Variants in SORCS1 observed in about 807,000 individuals in gnomAD.
SORCS1 encodes the protein sortilin related VPS10 domain containing receptor 1, also known as VPS10 domain-containing receptor SorCS1.
SORCS1 carries 60 observed loss-of-function variants against 146.1 expected under a neutral mutation model. That is an observed-to-expected ratio of 0.41 (90% CI 0.33 to 0.51). The LOEUF (loss-of-function observed/expected upper bound fraction) is 0.51, where lower values mean the gene tolerates loss of function less well. Ranked by LOEUF, SORCS1 falls within the 20% of genes least tolerant of loss-of-function variation. The pLI, the probability that SORCS1 is intolerant of heterozygous loss-of-function variation, is 0.21. For missense variants in SORCS1, 1,352 were observed against 1,487.6 expected (o/e 0.91, Z 1.50); for synonymous variants, 637 against 584.0 (o/e 1.09, Z -1.31).
At chr10:106,593,783 A>AT (rs369018244) in intron 24 of SORCS1, among the ~76,000 whole-genome samples, 1 of 152,046 alleles carries the variant, frequency 6.6e-6, no homozygotes, top group Non-Finnish European at 1.5e-5. Flanking sequence ...GGAAATGGAT[A>AT]TTTTTTTCTT....
intron 8 of SORCS1, among the ~76,000 whole-genome samples, chr10:106,704,791 GAAC>G (rs1854398890): frequency 6.6e-6 from 1 of 152,104 alleles, no homozygotes; most frequent in Non-Finnish European, 1.5e-5. Context: ...CATCCCCCTT[GAAC>G]AACAGCAGCA....
At chr10:107,180,977 C>A in the SORCS1 span, among the ~76,000 whole-genome samples, 2 of 152,120 alleles carry the variant, frequency 1.3e-5, no homozygotes, top group African/African-American at 4.8e-5. Context: ...AGTATTTGTC[C>A]ATCTAAACAT....
At chr10:106,810,401 T>TA (rs1014898387) in intron 3 of SORCS1, among the ~76,000 whole-genome samples, 1 of 152,266 alleles carries the variant, frequency 6.6e-6, no homozygotes, top group African/African-American at 2.4e-5. Flanking sequence ...TGCAATTTTT[T>TA]AAAAAAATGT....
chr10:106,599,062 A>G (rs1232730855), intron 23 of SORCS1, among the ~76,000 whole-genome samples: 5 of 152,216 alleles, frequency 3.3e-5, no homozygotes, highest in Non-Finnish European at 7.3e-5. Context: ...GGTGCTGGGA[A>G]TCAACCAGAA....
Position 106,675,206 on chromosome 10 carries a change from T to A in SORCS1, c.1833-50A>T, listed in dbSNP as rs572306843. The stretch of plus-strand genomic sequence containing the variant: ...ATCAGATCTCCAAAGGAAAAAAAAA[T>A]GTCATTTCAAAGGAAAGATACTCTC... On this transcript the variant is annotated intron_variant, in intron 13 of 25. Coordinates refer to ENST00000263054, the MANE Select transcript of SORCS1 (RefSeq NM_052918.5). 21 of 1,372,244 alleles carry A rather than the reference T, an allele frequency of 1.5e-5. No individual in the cohort carries two copies. The South Asian group carries it at 1.9e-4, about 13-fold the overall frequency. The allele number at this position is 1,372,244 out of a possible 1,614,324, so 85.0% of individuals were successfully genotyped here. A position where few individuals can be genotyped will look rare whatever the true frequency, so the allele number is the denominator to read the frequency against.
intron 5 of SORCS1, among the ~76,000 whole-genome samples, chr10:106,738,968 G>A (rs540699234): frequency 5.3e-4 from 80 of 152,310 alleles, no homozygotes; most frequent in Non-Finnish European, 9.0e-4. Context: ...GATGACAGGC[G>A]TGAGCCGCTG....
chr10:106,956,394 A>C (rs1317493325), intron 2 of SORCS1, 119 bp downstream of exon 2: 1 of 819,690 alleles, frequency 1.2e-6, no homozygotes, highest in Non-Finnish European at 2.0e-6. Flanking sequence ...GAAGAAAGAG[A>C]GAAAGCAAGC....
At position 106,911,266 on chromosome 10, in the gene SORCS1, A is replaced by C. The variant is rs1288983271; in HGVS notation, c.626+45247T>G. Among the ~76,000 whole-genome samples, 4 of 152,174 alleles carry C rather than the reference A, an allele frequency of 2.6e-5. 1 individual carries two copies. The East Asian group carries it at 5.8e-4, about 22-fold the overall frequency. ...TTTCAAAGGGAAGTGAATGTCCTTCATTCATAAGCTCCCTGGTTGATGTGT... is the reference window on the plus strand; with the variant it reads ...TTTCAAAGGGAAGTGAATGTCCTTCCTTCATAAGCTCCCTGGTTGATGTGT... On this transcript the variant is annotated intron_variant, in intron 2 of 25. Transcript: ENST00000263054.
At chr10:106,689,089 C>T (rs1316381826) in intron 9 of SORCS1, among the ~76,000 whole-genome samples, 1 of 152,174 alleles carries the variant, frequency 6.6e-6, no homozygotes, top group Non-Finnish European at 1.5e-5. Context: ...CAAATACTCC[C>T]TACTTTGTTT....
At chr10:106,750,701 A>C (rs1171842218) in intron 5 of SORCS1, among the ~76,000 whole-genome samples, 98 of 109,968 alleles carry the variant, frequency 8.9e-4, no homozygotes, top group South Asian at 2.1e-3. Context: ...TGCACTCCAG[A>C]CTGGGCGACA....
chr10:106,717,850 T>A (rs189349992), intron 6 of SORCS1, among the ~76,000 whole-genome samples: 7 of 152,224 alleles, frequency 4.6e-5, no homozygotes, highest in Non-Finnish European at 8.8e-5. Context: ...GCCGGTGAAA[T>A]ATTTAATCCT....
chr10:106,850,766 A>G (rs1443539267), intron 2 of SORCS1, among the ~76,000 whole-genome samples: 1 of 152,164 alleles, frequency 6.6e-6, no homozygotes, highest in East Asian at 1.9e-4. Context: ...TGACACCTTC[A>G]TTTGGATGCC....
At chr10:106,919,135 C>A (rs557497204) in intron 2 of SORCS1, among the ~76,000 whole-genome samples, 3 of 152,306 alleles carry the variant, frequency 2.0e-5, no homozygotes, top group Admixed American at 6.5e-5. Flanking sequence ...CCATGCCTGG[C>A]CTGCATATTG....
At chr10:107,160,175 T>A (rs1049574708) in intron 1 of SORCS1, among the ~76,000 whole-genome samples, 3 of 152,188 alleles carry the variant, frequency 2.0e-5, no homozygotes, top group Non-Finnish European at 4.4e-5. Context: ...TCCACCATCA[T>A]CAGAAATCAA....
intron 1 of SORCS1, chr10:106,970,022 T>C (rs1306298775): frequency 6.6e-6 from 1 of 152,358 alleles, no homozygotes; most frequent in Non-Finnish European, 1.5e-5. Flanking sequence ...GTCAATATAC[T>C]CTATGGCCAT....
At chr10:106,739,111 T>C (rs1052586837) in intron 5 of SORCS1, among the ~76,000 whole-genome samples, 6 of 152,088 alleles carry the variant, frequency 3.9e-5, no homozygotes, top group African/African-American at 1.4e-4. Flanking sequence ...AATAAAAGAA[T>C]CATGAGGCCA....
At chr10:106,887,294 T>C (rs1175181270) in intron 2 of SORCS1, among the ~76,000 whole-genome samples, 1 of 152,218 alleles carries the variant, frequency 6.6e-6, no homozygotes, top group African/African-American at 2.4e-5. Context: ...TGAAACAATA[T>C]CACTATTTGA....
chr10:106,740,996 G>A (rs1175982657), intron 5 of SORCS1, among the ~76,000 whole-genome samples: 4 of 152,166 alleles, frequency 2.6e-5, no homozygotes, highest in African/African-American at 9.7e-5. Context: ...TGTTGTGAAA[G>A]GTAAAAGACG....
intron 2 of SORCS1, among the ~76,000 whole-genome samples, chr10:106,948,926 A>G (rs1954516433): frequency 5.9e-5 from 9 of 152,120 alleles, no homozygotes; most frequent in Admixed American, 5.9e-4. Flanking sequence ...ACGCCACTGC[A>G]CTTCAACCTA....
Sources: allele counts gnomAD v4.1 joint callset (sites outside exome capture counted in the v4.1 genomes callset), GRCh38; gene constraint gnomAD v4.1.1; transcripts MANE v1.5; gene names NCBI Gene and HGNC (gene_info 2026-07-23, HGNC 2026-07-21).